FBXO27: variants seen among roughly 807,000 people sequenced by gnomAD.
The protein encoded by FBXO27 is F-box protein 27, also known as F-box only protein 27.
Under a neutral mutation model 28.3 loss-of-function variants are expected in FBXO27, and 28 were observed. The observed-to-expected ratio is 0.99, with a 90% CI of 0.73 to 1.36. The LOEUF is 1.36. Among genes scored for constraint, FBXO27 ranks in the 40% most tolerant of loss-of-function variants. FBXO27 has a pLI of 0.00. For synonymous variants in FBXO27, 175 were observed against 167.3 expected, an observed-to-expected ratio of 1.05 and a Z score of -0.36; for missense variants, 388 against 394.1, an observed-to-expected ratio of 0.98 and a Z score of 0.13.
downstream of FBXO27, among the ~76,000 whole-genome samples, chr19:39,021,011 C>T (rs377340556): frequency 2.0e-4 from 31 of 152,080 alleles, no homozygotes; most frequent in African/African-American, 6.5e-4. Context: ...CCCGCCACCA[C>T]GCCCAGCTAA....
chr19:39,006,650 G>C (rs1200616381), intron 2 of FBXO27, among the ~76,000 whole-genome samples: 1 of 152,076 alleles, frequency 6.6e-6, no homozygotes, highest in African/African-American at 2.4e-5. Context: ...CCTTGTTTCT[G>C]TATGAATTGT....
chr19:39,007,417 A>G (rs1431119036), intron 2 of FBXO27, among the ~76,000 whole-genome samples: 1 of 152,194 alleles, frequency 6.6e-6, no homozygotes, highest in Non-Finnish European at 1.5e-5. Context: ...GCAGGTGAGC[A>G]GGTGGAAGTA....
chr19:39,031,864 C>A lies in FBXO27; in HGVS notation c.364G>T (p.Glu122Ter). Residue 122 changes from glutamate to a stop codon, truncating the protein, a stop_gained and splice_region_variant, in exon 2 of 6, where the codon GAA (glutamate) becomes TAA (stop). Coordinates refer to ENST00000292853, the MANE Select transcript of FBXO27 (RefSeq NM_178820.5). LOFTEE classifies it high-confidence loss of function. ...TGGACTTCCTCTTCCGAGATCCCAC[C>A]TTGGCCGCAGGGGTTGCGAATAAGG... ...RNLIRNPCGQ[E>*]GLRKWMVQHG... 6 of 1,477,504 alleles carry A rather than the reference C, an allele frequency of 4.1e-6. No homozygotes were observed. Among genetic ancestry groups the A allele is most frequent in the Non-Finnish European group, 5.3e-6 (6 of 1,126,086 alleles). The allele number at this position is 1,477,504 out of a possible 1,614,324, so 91.5% of individuals were successfully genotyped here.
intron 1 of FBXO27, among the ~76,000 whole-genome samples, chr19:39,017,699 C>T (rs867434722): frequency 6.6e-6 from 1 of 151,176 alleles, no homozygotes; most frequent in African/African-American, 2.4e-5. Flanking sequence ...ATGAAACAGT[C>T]ACAAAATACA....
At position 39,025,331 on chromosome 19, in the gene FBXO27, G is replaced by A. The variant is rs969473705; in HGVS notation, c.*80C>T. ...GCCAGGGAGGTACAAGTGCTTGGTT[G>A]GTTAATGAGGGGTCCCAGCCAATGG... On this transcript the variant is annotated 3_prime_UTR_variant, in exon 6 of 6. Coordinates refer to ENST00000292853, the MANE Select transcript of FBXO27 (RefSeq NM_178820.5). 4 of 1,513,412 alleles carry A rather than the reference G, an allele frequency of 2.6e-6. No homozygotes were observed. The African/African-American group carries it at 5.5e-5, about 21-fold the overall frequency. The allele number at this position is 1,513,412 out of a possible 1,614,324, so 93.7% of individuals were successfully genotyped here.
At position 39,014,665 on chromosome 19, in the gene FBXO27, G is replaced by A. The variant is rs1057322975; in HGVS notation, c.92-118C>T. 1.9e-5 allele frequency: 3 copies of A among 157,118 alleles called. No homozygotes were observed. In the East Asian group the frequency reaches 5.5e-4, roughly 29 times the overall value. The allele number at this position is 157,118 out of a possible 1,614,324, so 9.7% of individuals were successfully genotyped here. ...CGCTTGAGCCCAGGAGGTCGAGGCT[G>A]CAGTGAGCCATGACTGCATCATTGT... On this transcript the variant is annotated intron_variant, in intron 1 of 2. Coordinates refer to the FBXO27 transcript ENST00000598394.
At chr19:39,016,794 C>T (rs8105813) in intron 1 of FBXO27, among the ~76,000 whole-genome samples, 13,281 of 151,488 alleles carry the variant, frequency 0.088, 757 homozygotes, top group Non-Finnish European at 0.12. Context: ...AAAAAAAAAG[C>T]ATATTAAATA....
chr19:39,025,170 T>A lies in FBXO27; in HGVS notation c.*241A>T. Reference sequence around the variant, plus strand: ...CCCATGCTCACTTGTGGGTTTCCCCTCAGTACAGTAGGGCCCCCCCGCAAA... The same window carrying A: ...CCCATGCTCACTTGTGGGTTTCCCCACAGTACAGTAGGGCCCCCCCGCAAA... On this transcript the variant is annotated 3_prime_UTR_variant, in exon 6 of 6. Coordinates refer to ENST00000292853, the MANE Select transcript of FBXO27 (RefSeq NM_178820.5). 2.0e-6 allele frequency: 1 copy of A among 494,452 alleles called. No homozygotes were observed. The highest frequency in any genetic ancestry group is 3.4e-5 in the South Asian group (1 of 29,070). 30.6% of individuals were successfully genotyped at this position (494,452 alleles called of 1,614,324 possible). A position where few individuals can be genotyped will look rare whatever the true frequency, so the allele number is the denominator to read the frequency against.
intron 4 of FBXO27, among the ~76,000 whole-genome samples, chr19:39,028,006 C>T (rs890446403): frequency 2.7e-5 from 4 of 150,270 alleles, no homozygotes; most frequent in Admixed American, 6.6e-5. Flanking sequence ...TTTGGGAGGC[C>T]GAGGTGGGTG....
In FBXO27 at chr19:39,025,415, G is replaced by A; in HGVS notation, c.848C>T (p.Ser283Phe). 2.5e-6 allele frequency: 4 copies of A among 1,613,340 alleles called. No homozygotes were observed. Among genetic ancestry groups the A allele is most frequent in the Non-Finnish European group, 3.4e-6 (4 of 1,179,742 alleles). Residue 283 changes from serine to phenylalanine, a missense_variant, in exon 6 of 6, where the codon TCC (serine) becomes TTC (phenylalanine). Coordinates refer to ENST00000292853, the MANE Select transcript of FBXO27 (RefSeq NM_178820.5). ...TGCAAGAAGGGTAGTGCTGGACTAG[G>A]ACAGACGGACTCGCACGATCACACT... ...NSSVIVRVRL[S>F]
At chr19:39,020,849 A>C (rs8107766), downstream of FBXO27, among the ~76,000 whole-genome samples, 17,309 of 150,484 alleles carry the variant, frequency 0.12, 1,145 homozygotes, top group African/African-American at 0.15. Flanking sequence ...AGAGGAATTA[A>C]CAGAAGATTT....
At chr19:39,019,837 C>T (rs900270403), downstream of FBXO27, among the ~76,000 whole-genome samples, 7 of 151,990 alleles carry the variant, frequency 4.6e-5, no homozygotes, top group Admixed American at 1.3e-4. Flanking sequence ...CTGCAACCTC[C>T]GCCTCCTGGG....
chr19:39,008,434 G>A (rs2072779765), intron 2 of FBXO27, among the ~76,000 whole-genome samples: 1 of 152,006 alleles, frequency 6.6e-6, no homozygotes, highest in African/African-American at 2.4e-5. Context: ...TTGCCTTTTT[G>A]TTACAAAATC....
chr19:39,016,223 G>A (rs1261721284), intron 1 of FBXO27, among the ~76,000 whole-genome samples: 1 of 152,126 alleles, frequency 6.6e-6, no homozygotes, highest in Non-Finnish European at 1.5e-5. Flanking sequence ...TTACACATTT[G>A]TCCAAATCCA....
At chr19:39,012,367 A>G (rs1174691202) in intron 2 of FBXO27, among the ~76,000 whole-genome samples, 1 of 151,226 alleles carries the variant, frequency 6.6e-6, no homozygotes, top group Admixed American at 6.6e-5. Context: ...TATTTTTAAT[A>G]GAGATGGGGT....
downstream of FBXO27, among the ~76,000 whole-genome samples, chr19:39,019,671 G>A (rs1320167232): frequency 1.3e-5 from 2 of 152,092 alleles, no homozygotes; most frequent in Admixed American, 6.6e-5. Flanking sequence ...AAAGGCAGCA[G>A]ATGGGTTCCC....
rs34873154 is a variant in FBXO27, at chr19:39,016,592, G to GAA, written c.92-2047_92-2046dup. On this transcript the variant is annotated intron_variant, in intron 1 of 2. Transcript: ENST00000598394. The stretch of plus-strand genomic sequence containing the variant: ...CATAGTGAGACCTTGTCTCTAATTT[G>GAA]AAAAAAAAAAAAAAAAAACCCAAAA... Among the ~76,000 whole-genome samples, 913 of 112,148 alleles carry GAA rather than the reference G, an allele frequency of 8.1e-3. 10 individuals carry two copies. The highest frequency in any genetic ancestry group is 0.018 in the East Asian group (68 of 3,676). The allele number at this position is 112,148 out of a possible 152,430, so 73.6% of individuals were successfully genotyped here. A position where few individuals can be genotyped will look rare whatever the true frequency, so the allele number is the denominator to read the frequency against.
Position 39,025,445 on chromosome 19 carries a change from T to G in FBXO27, c.818A>C (p.Asn273Thr), listed in dbSNP as rs112158067. The change falls in exon 6 of 6, where the codon AAC (asparagine) becomes ACC (threonine). Residue 273 changes from asparagine to threonine, a missense_variant. Coordinates refer to ENST00000292853, the MANE Select transcript of FBXO27 (RefSeq NM_178820.5). ...ACGGACTCGCACGATCACACTGGAGTTGGTCACACGGGCTCCATAGTGGCC... is the reference window on the plus strand; with the variant it reads ...ACGGACTCGCACGATCACACTGGAGGTGGTCACACGGGCTCCATAGTGGCC... Reference protein sequence around the residue: ...WAGHYGARVTNSSVIVRVRLS With the variant: ...WAGHYGARVTTSSVIVRVRLS The G allele has an allele frequency of 1.1e-5, 17 of 1,613,490 alleles. No individual in the cohort carries two copies. The highest frequency in any genetic ancestry group is 1.4e-5 in the Non-Finnish European group (17 of 1,179,890).
chr19:39,016,533 C>G (rs893130274), intron 1 of FBXO27, among the ~76,000 whole-genome samples: 11 of 143,540 alleles, frequency 7.7e-5, no homozygotes, highest in Non-Finnish European at 1.5e-4. Context: ...GGGAAGATAA[C>G]TTGAACTCAG....
Sources: allele counts gnomAD v4.1 joint callset (sites outside exome capture counted in the v4.1 genomes callset), GRCh38; gene constraint gnomAD v4.1.1; transcripts MANE v1.5; gene names NCBI Gene and HGNC (gene_info 2026-07-23, HGNC 2026-07-21).